ANKRD6: variants seen among roughly 807,000 people sequenced by gnomAD.
ANKRD6 encodes ankyrin repeat domain 6.
ANKRD6 carries 56 observed loss-of-function variants against 82.3 expected under a neutral mutation model. The observed-to-expected ratio is 0.68, with a 90% CI of 0.55 to 0.85. The LOEUF is 0.85. Among genes scored for constraint, ANKRD6 ranks in the 40% least tolerant of loss-of-function variants. The pLI, the probability that ANKRD6 is intolerant of heterozygous loss-of-function variation, is 0.00. For missense variants in ANKRD6, 852 were observed against 907.6 expected (o/e 0.94, Z 0.79); for synonymous variants, 347 against 352.1 (o/e 0.99, Z 0.16).
At chr6:89,622,115 G>T in intron 10 of ANKRD6, 89 bp downstream of exon 10, 3 of 1,176,762 alleles carry the variant, frequency 2.5e-6, no homozygotes, top group Non-Finnish European at 3.6e-6. Flanking sequence ...TTCACCTGGT[G>T]GCTGCCCGGC....
At chr6:89,526,761 T>A (rs1583090493) in intron 1 of ANKRD6, among the ~76,000 whole-genome samples, 1 of 152,162 alleles carries the variant, frequency 6.6e-6, no homozygotes, top group East Asian at 1.9e-4. Context: ...GTGGTATAGA[T>A]CTGAAGGCCT....
chr6:89,628,233 G>A (rs1005821199), intron 14 of ANKRD6: 1 of 157,044 alleles, frequency 6.4e-6, no homozygotes, highest in Admixed American at 6.2e-5. Context: ...TAATCTGTCT[G>A]TGTTGCTATA....
intron 1 of ANKRD6, among the ~76,000 whole-genome samples, chr6:89,533,446 C>T (rs541929071): frequency 1.3e-5 from 2 of 152,178 alleles, no homozygotes; most frequent in Non-Finnish European, 2.9e-5. Context: ...CCACAGTGTC[C>T]TCTGCCTCCT....
At chr6:89,597,829 G>A (rs1223730974) in intron 3 of ANKRD6, among the ~76,000 whole-genome samples, 3 of 152,194 alleles carry the variant, frequency 2.0e-5, no homozygotes, top group African/African-American at 7.2e-5. Context: ...GGAGAAGGTA[G>A]AATTGACCTT....
intron 1 of ANKRD6, among the ~76,000 whole-genome samples, chr6:89,464,429 C>G (rs1774584504): frequency 6.6e-6 from 1 of 152,188 alleles, no homozygotes. Context: ...TGCCTCCATA[C>G]AGAAATCCCA....
chr6:89,496,178 C>G (rs910475458), intron 1 of ANKRD6, among the ~76,000 whole-genome samples: 2 of 138,290 alleles, frequency 1.4e-5, no homozygotes, highest in African/African-American at 2.7e-5. Flanking sequence ...TCCACACTGC[C>G]CCCCCCCCCA....
At chr6:89,527,743 G>A (rs1782678816) in intron 1 of ANKRD6, among the ~76,000 whole-genome samples, 1 of 151,926 alleles carries the variant, frequency 6.6e-6, no homozygotes, top group African/African-American at 2.4e-5. Flanking sequence ...TTACCTCAGT[G>A]TTGATGACTG....
At chr6:89,524,055 A>G (rs1782177367) in intron 1 of ANKRD6, among the ~76,000 whole-genome samples, 1 of 152,150 alleles carries the variant, frequency 6.6e-6, no homozygotes, top group Non-Finnish European at 1.5e-5. Context: ...CAGGAGTAGG[A>G]TGATAACCTT....
intron 2 of ANKRD6, among the ~76,000 whole-genome samples, chr6:89,573,691 G>A (rs557791346): frequency 2.0e-5 from 3 of 152,266 alleles, no homozygotes; most frequent in African/African-American, 7.2e-5. Context: ...TCTTGCTTAC[G>A]GGACAATTTG....
intron 1 of ANKRD6, among the ~76,000 whole-genome samples, chr6:89,446,659 G>A (rs1051279065): frequency 7.2e-5 from 11 of 152,252 alleles, no homozygotes; most frequent in Admixed American, 6.5e-4. Context: ...GAGGCAGGAG[G>A]ATGGCTTTAG....
chr6:89,632,101 TTGGAATA>T lies in ANKRD6; in HGVS notation c.*1101_*1107del, dbSNP rs961454604. ...AAACTTTGGACAAGCTTCTTGTCCTTTGGAATATGGGATTTATATTCATCTCCTCAAT... is the reference window on the plus strand; with the variant it reads ...AAACTTTGGACAAGCTTCTTGTCCTTTGGGATTTATATTCATCTCCTCAAT... On this transcript the variant is annotated 3_prime_UTR_variant, in exon 16 of 16. Transcript: ENST00000339746. 2 of 152,244 alleles carry T rather than the reference TTGGAATA, an allele frequency of 1.3e-5. No homozygotes were observed. Among genetic ancestry groups the T allele is most frequent in the African/African-American group, 4.8e-5 (2 of 41,464 alleles). 9.4% of individuals were successfully genotyped at this position (152,244 alleles called of 1,614,324 possible). A position where few individuals can be genotyped will look rare whatever the true frequency, so the allele number is the denominator to read the frequency against.
At chr6:89,539,858 G>T (rs1583170156) in intron 1 of ANKRD6, among the ~76,000 whole-genome samples, 3 of 144,940 alleles carry the variant, frequency 2.1e-5, no homozygotes, top group African/African-American at 2.5e-5. Context: ...CAATTGATTT[G>T]ATTTTTGGAT....
chr6:89,578,047 G>A (rs370950756), intron 2 of ANKRD6, among the ~76,000 whole-genome samples: 8 of 152,314 alleles, frequency 5.3e-5, no homozygotes, highest in African/African-American at 1.9e-4. Context: ...TGTTCATAGA[G>A]GGTGAGCCCC....
chr6:89,602,841 C>A (rs186227523), intron 3 of ANKRD6, 188 bp from the exon 4 acceptor site: 58 of 531,238 alleles, frequency 1.1e-4, no homozygotes, highest in Non-Finnish European at 1.7e-4. Context: ...ATTTCTCTGC[C>A]AGCGTGCGTT....
rs550461031 is a variant in ANKRD6 at position 89,504,318 on chromosome 6, C to T, written c.-143-62516C>T. 2.6e-5 allele frequency among the ~76,000 whole-genome samples: 4 copies of T among 152,182 alleles called. No homozygotes were observed. In the South Asian group the frequency reaches 6.2e-4, roughly 24 times the overall value. On this transcript the variant is annotated intron_variant, in intron 1 of 15. Transcript: ENST00000339746. ...GAGGTTAAATGGGATGCGTAGGGAA[C>T]GTGGGTTTGTAGGTTCTCCATAGAG...
chr6:89,606,870 C>T (rs1383355614), intron 5 of ANKRD6, among the ~76,000 whole-genome samples: 8 of 66,942 alleles, frequency 1.2e-4, no homozygotes, highest in Admixed American at 5.1e-4. Context: ...CAGGTGGGGG[C>T]GGGGGTGGGC....
chr6:89,448,225 A>G (rs1772345644), intron 1 of ANKRD6, among the ~76,000 whole-genome samples: 1 of 151,984 alleles, frequency 6.6e-6, no homozygotes, highest in Non-Finnish European at 1.5e-5. Context: ...GCTTGAACCC[A>G]GGAGTTTGAG....
In ANKRD6 at chr6:89,566,937, C is replaced by T; in HGVS notation, c.-40C>T. ...GTGACTTCGTGTTGAGCTGAAGGAA[C>T]TTGTCTACCGCTTCCCTGAAAACCT... On this transcript the variant is annotated 5_prime_UTR_variant, in exon 2 of 16. Coordinates refer to ENST00000339746, the MANE Select transcript of ANKRD6 (RefSeq NM_001242809.2). 6.4e-7 allele frequency: 1 copy of T among 1,553,138 alleles called. No individual in the cohort carries two copies.
intron 1 of ANKRD6, among the ~76,000 whole-genome samples, chr6:89,550,938 A>G (rs184527797): frequency 6.6e-6 from 1 of 152,348 alleles, no homozygotes; most frequent in Admixed American, 6.5e-5. Flanking sequence ...CCTGGGCGAC[A>G]GAGACAAAAA....
Sources: allele counts gnomAD v4.1 joint callset (sites outside exome capture counted in the v4.1 genomes callset), GRCh38; gene constraint gnomAD v4.1.1; transcripts MANE v1.5; gene names NCBI Gene and HGNC (gene_info 2026-07-23, HGNC 2026-07-21).